Variants in RNF38 observed in about 807,000 individuals in gnomAD.
RNF38 encodes the protein ring finger protein 38, also known as E3 ubiquitin-protein ligase RNF38.
In RNF38, 15 loss-of-function variants were observed where a neutral mutation model predicts 67.2. That is an observed-to-expected ratio of 0.22 (90% CI 0.15 to 0.34). The LOEUF is 0.34. Ranked by LOEUF, RNF38 falls within the 10% of genes least tolerant of loss-of-function variation. The pLI, the probability that RNF38 is intolerant of heterozygous loss-of-function variation, is 1.00. For synonymous variants in RNF38, 220 were observed against 218.8 expected (o/e 1.01, Z -0.05); for missense variants, 524 against 639.9 (o/e 0.82, Z 1.95).
chr9:36,356,540 GAGATTAAAAT>G, intron 5 of RNF38, 67 bp from the exon 6 acceptor site: 1 of 1,357,176 alleles, frequency 7.4e-7, no homozygotes, highest in Non-Finnish European at 9.9e-7. Flanking sequence ...AAAGGATAGT[GAGATTAAAAT>G]CTGTCATTGT....
chr9:36,390,589 G>C lies in RNF38; in HGVS notation c.40C>G (p.Leu14Val), dbSNP rs1002802815. 18 of 1,614,022 alleles carry C rather than the reference G, an allele frequency of 1.1e-5. No homozygotes were observed. The highest frequency in any genetic ancestry group is 1.0e-4 in the Admixed American group (6 of 59,996). Reference sequence around the variant, plus strand: ...ATCACCTTGTTAGGATGGCCAGGTAGAGATGCTGAATTGGCCCCGGGAGAT... The same window carrying C: ...ATCACCTTGTTAGGATGGCCAGGTACAGATGCTGAATTGGCCCCGGGAGAT... ...KISPGANSASLPGHPNKVICE... is the reference protein window; with the variant it reads ...KISPGANSASVPGHPNKVICE... Residue 14 changes from leucine (L) to valine (V), a missense_variant, in exon 2 of 12, where the codon CTA becomes GTA. By Grantham distance (32) the Leu-to-Val change is conservative (BLOSUM62 1). Coordinates refer to ENST00000259605, the MANE Select transcript of RNF38 (RefSeq NM_022781.5).
chr9:36,431,835 T>C (rs1838940517), intron 1 of RNF38, among the ~76,000 whole-genome samples: 1 of 152,128 alleles, frequency 6.6e-6, no homozygotes, highest in Non-Finnish European at 1.5e-5. Flanking sequence ...ACTGGTTCCT[T>C]TGGCAACCAC....
intron 1 of RNF38, among the ~76,000 whole-genome samples, chr9:36,441,572 C>G (rs940588850): frequency 4.6e-5 from 7 of 152,168 alleles, no homozygotes; most frequent in African/African-American, 1.7e-4. Flanking sequence ...ATCCACCCAG[C>G]TCGGCCTCCC....
At chr9:36,477,191 G>T (rs1489352696) in intron 1 of RNF38, among the ~76,000 whole-genome samples, 1 of 151,772 alleles carries the variant, frequency 6.6e-6, no homozygotes, top group African/African-American at 2.4e-5. Flanking sequence ...GGGCGTGGTG[G>T]TGGGCGCCTG....
intron 8 of RNF38, 60 bp downstream of exon 8, chr9:36,352,682 A>G: frequency 8.3e-7 from 1 of 1,208,298 alleles, no homozygotes; most frequent in Non-Finnish European, 1.2e-6. Flanking sequence ...ACATTCACAA[A>G]GGAAAGAGAA....
rs1834684646 is a variant in RNF38 at position 36,362,941 on chromosome 9, T to C, written c.571-4999A>G. ...GGCACCACACCCGGCCCTAATCTGT[T>C]TTTCTTTATGGTTGAACCACTGAAG... On this transcript the variant is annotated intron_variant, in intron 4 of 11. Coordinates refer to ENST00000259605, the MANE Select transcript of RNF38 (RefSeq NM_022781.5). Among the ~76,000 whole-genome samples, 3 of 55,562 alleles carry C rather than the reference T, an allele frequency of 5.4e-5. 1 individual carries two copies. Among genetic ancestry groups the C allele is most frequent in the African/African-American group, 1.4e-4 (3 of 21,626 alleles). 36.5% of individuals were successfully genotyped at this position (55,562 alleles called of 152,430 possible). A position where few individuals can be genotyped will look rare whatever the true frequency, so the allele number is the denominator to read the frequency against.
At chr9:36,437,321 C>T (rs953657007) in intron 1 of RNF38, among the ~76,000 whole-genome samples, 1 of 152,144 alleles carries the variant, frequency 6.6e-6, no homozygotes, top group Non-Finnish European at 1.5e-5. Flanking sequence ...GAAGATGATG[C>T]AAGTGAGCCT....
intron 1 of RNF38, among the ~76,000 whole-genome samples, chr9:36,397,025 G>GTATATACGTATATACACATGTA (rs1491321096): frequency 0.013 from 1,439 of 112,610 alleles, 16 homozygotes; most frequent in Middle Eastern, 0.02. Flanking sequence ...GTGTGTGTGT[G>GTATATACGTATATACACATGTA]TATATACGTA....
intron 2 of RNF38, among the ~76,000 whole-genome samples, chr9:36,377,628 C>T (rs1186692702): frequency 6.6e-6 from 1 of 152,150 alleles, no homozygotes; most frequent in Non-Finnish European, 1.5e-5. Context: ...ACTGTACAGT[C>T]GTCCCTCAGT....
upstream of RNF38, chr9:36,400,400 C>T: frequency 1.7e-6 from 2 of 1,144,688 alleles, no homozygotes; most frequent in Admixed American, 4.6e-5. Context: ...GCTCCGCGAG[C>T]TGAGACCGCG....
intron 4 of RNF38, among the ~76,000 whole-genome samples, chr9:36,360,274 C>A (rs1564008063): frequency 6.6e-6 from 1 of 152,164 alleles, no homozygotes; most frequent in Non-Finnish European, 1.5e-5. Flanking sequence ...ACTCTATTTG[C>A]ATGTCAAAGC....
intron 2 of RNF38, among the ~76,000 whole-genome samples, chr9:36,413,043 G>A (rs1376938758): frequency 6.6e-6 from 1 of 151,982 alleles, no homozygotes; most frequent in Admixed American, 6.6e-5. Context: ...TTGCACTCTA[G>A]CCTGGACAAC....
At chr9:36,383,410 T>C (rs1455756547) in intron 2 of RNF38, among the ~76,000 whole-genome samples, 2 of 151,592 alleles carry the variant, frequency 1.3e-5, no homozygotes, top group Non-Finnish European at 2.9e-5. Flanking sequence ...CAAGACAGTC[T>C]TTATTTCTTG....
chr9:36,473,328 C>A (rs1018950636), intron 1 of RNF38, among the ~76,000 whole-genome samples: 1 of 152,022 alleles, frequency 6.6e-6, no homozygotes, highest in Non-Finnish European at 1.5e-5. Flanking sequence ...CAGCTCATGC[C>A]TATAATCCCA....
At chr9:36,416,534 C>T (rs761462542) in intron 2 of RNF38, among the ~76,000 whole-genome samples, 3 of 152,100 alleles carry the variant, frequency 2.0e-5, no homozygotes, top group Non-Finnish European at 4.4e-5. Flanking sequence ...TCTGCACTTT[C>T]GGTTTGCCCA....
chr9:36,354,917 A>G (rs1833988311), intron 6 of RNF38, among the ~76,000 whole-genome samples: 1 of 152,246 alleles, frequency 6.6e-6, no homozygotes, highest in Non-Finnish European at 1.5e-5. Context: ...ACACTATGAC[A>G]ACACTAGTGA....
At chr9:36,441,725 A>AC in intron 1 of RNF38, among the ~76,000 whole-genome samples, 1 of 52,760 alleles carries the variant, frequency 1.9e-5, no homozygotes, top group Non-Finnish European at 3.2e-5. Context: ...TCCTCAATTA[A>AC]AAACAACAAC....
intron 3 of RNF38, among the ~76,000 whole-genome samples, chr9:36,372,056 G>A (rs1835421426): frequency 6.6e-6 from 1 of 150,974 alleles, no homozygotes; most frequent in African/African-American, 2.4e-5. Context: ...TCAGCCTCCC[G>A]AGTAGCTGGG....
rs1037829808 is a variant in RNF38 at position 36,437,142 on chromosome 9, C to T, written n.242-12459G>A. 7.9e-5 allele frequency among the ~76,000 whole-genome samples: 12 copies of T among 152,238 alleles called. No homozygotes were observed. In the South Asian group the frequency reaches 8.3e-4, roughly 11 times the overall value. ...CCAGCCCTTTCCTTCACGCTTGCTC[C>T]TGGCACTGCAGCTGAGCAAGGCAGG... is the stretch of plus-strand genomic sequence containing the variant. On this transcript the variant is annotated intron_variant and non_coding_transcript_variant, in intron 1 of 3. Coordinates refer to the RNF38 transcript ENST00000488058.
Sources: gnomAD v4.1 joint callset for allele counts (sites outside exome capture counted in the v4.1 genomes callset) on GRCh38, gnomAD v4.1.1 for gene constraint, MANE v1.5 for transcripts, NCBI Gene and HGNC (gene_info 2026-07-23, HGNC 2026-07-21) for gene names.